Variants in NMNAT3 observed in about 807,000 individuals in gnomAD.
The protein encoded by NMNAT3 is nicotinamide/nicotinic acid mononucleotide adenylyltransferase 3.
A neutral mutation model predicts 24.8 loss-of-function variants in NMNAT3; 21 were observed. The ratio of observed to expected loss-of-function variants is 0.85; its 90% CI spans 0.60 to 1.22. The LOEUF is 1.22. Ranked by LOEUF, NMNAT3 falls within the 50% of genes most tolerant of loss-of-function variation. The pLI, the probability that NMNAT3 is intolerant of heterozygous loss-of-function variation, is 0.00. For synonymous variants in NMNAT3, 136 were observed against 155.2 expected, an observed-to-expected ratio of 0.88 and a Z score of 0.92; for missense variants, 387 against 436.6, an observed-to-expected ratio of 0.89 and a Z score of 1.01.
chr3:139,578,827 C>A (rs763318319), intron 5 of NMNAT3, 45 bp downstream of exon 5: 2 of 1,535,308 alleles, frequency 1.3e-6, no homozygotes, highest in East Asian at 4.5e-5. Context: ...CTGCAGACAT[C>A]TCCCGTGGCC....
At chr3:139,659,325 G>T (rs1457750388) in intron 1 of NMNAT3, among the ~76,000 whole-genome samples, 1 of 152,126 alleles carries the variant, frequency 6.6e-6, no homozygotes, top group Non-Finnish European at 1.5e-5. Context: ...AGTGTATGAA[G>T]AACATAAATA....
chr3:139,582,267 A>T (rs1252719801), intron 4 of NMNAT3, among the ~76,000 whole-genome samples: 1 of 151,320 alleles, frequency 6.6e-6, no homozygotes, highest in Non-Finnish European at 1.5e-5. Context: ...CTAACTTCTT[A>T]GTAAATGTGT....
intron 2 of NMNAT3, 126 bp downstream of exon 2, chr3:139,637,837 A>G (rs958704762): frequency 2.6e-5 from 4 of 152,218 alleles, no homozygotes; most frequent in Non-Finnish European, 4.4e-5. Flanking sequence ...TTGTCTATAT[A>G]TAAATATTTT....
chr3:139,602,023 T>C (rs566517361), intron 3 of NMNAT3, among the ~76,000 whole-genome samples: 4 of 152,218 alleles, frequency 2.6e-5, no homozygotes, highest in Non-Finnish European at 5.9e-5. Flanking sequence ...CATTTCTTGA[T>C]ACATTTTCAA....
intron 6 of NMNAT3, chr3:139,565,309 T>TAA (rs1440157917): frequency 6.6e-6 from 1 of 152,246 alleles, no homozygotes; most frequent in Non-Finnish European, 1.5e-5. Flanking sequence ...CAAAGATTTT[T>TAA]AAAGTCCCTG....
At chr3:139,613,145 A>G (rs1423902399) in intron 3 of NMNAT3, among the ~76,000 whole-genome samples, 1 of 152,222 alleles carries the variant, frequency 6.6e-6, no homozygotes, top group Non-Finnish European at 1.5e-5. Context: ...GGATCTAATT[A>G]AACTAAAGAG....
At chr3:139,575,704 T>C (rs1939195116) in intron 5 of NMNAT3, 1 of 1,042,038 alleles carries the variant, frequency 9.6e-7, no homozygotes, top group Admixed American at 5.3e-5. Context: ...TGCGCCTCTA[T>C]GGGGCATGAC....
chr3:139,627,770 A>G lies in NMNAT3; in HGVS notation c.-40-6T>C, dbSNP rs1249039037. 1 of 1,156,740 alleles carries G rather than the reference A, an allele frequency of 8.6e-7. No homozygotes were observed. The highest frequency in any genetic ancestry group is 1.2e-6 in the Non-Finnish European group (1 of 808,138). 71.7% of individuals were successfully genotyped at this position (1,156,740 alleles called of 1,614,324 possible). A position where few individuals can be genotyped will look rare whatever the true frequency, so the allele number is the denominator to read the frequency against. On this transcript the variant is annotated splice_polypyrimidine_tract_variant and splice_region_variant and intron_variant, in intron 2 of 6. Transcript: ENST00000643695. ...CTGTTGCAGTGGCCACCCTGCTTTT[A>G]TGGGGACAAAAGCTCATGTCAGGGA...
chr3:139,672,733 A>AT (rs1490592552), intron 1 of NMNAT3: 4 of 152,194 alleles, frequency 2.6e-5, no homozygotes, highest in African/African-American at 9.7e-5. Flanking sequence ...TTGGAGATGT[A>AT]TTTTGTCAAC....
chr3:139,609,370 A>C (rs900393057), intron 3 of NMNAT3, among the ~76,000 whole-genome samples: 1 of 152,188 alleles, frequency 6.6e-6, no homozygotes. Flanking sequence ...TAAGAGGTGC[A>C]GTTTCTCGGC....
chr3:139,651,470 G>T (rs867907979), intron 1 of NMNAT3, among the ~76,000 whole-genome samples: 1 of 152,170 alleles, frequency 6.6e-6, no homozygotes, highest in Non-Finnish European at 1.5e-5. Context: ...TCTGAGAGGG[G>T]AAGGCTGCCT....
At chr3:139,593,693 A>G (rs569303084) in intron 3 of NMNAT3, among the ~76,000 whole-genome samples, 1 of 149,832 alleles carries the variant, frequency 6.7e-6, no homozygotes, top group South Asian at 2.2e-4. Context: ...AAACTGAACA[A>G]CCTGCTCCTG....
intron 6 of NMNAT3, chr3:139,572,334 C>T (rs982375569): frequency 5.0e-5 from 20 of 396,510 alleles, no homozygotes; most frequent in Middle Eastern, 6.2e-4. Context: ...ATGCAGGTAA[C>T]GGAGAGGACA....
Position 139,627,602 on chromosome 3 carries a change from G to T in NMNAT3, c.109+14C>A. The T allele has an allele frequency of 1.3e-6, 2 of 1,513,228 alleles. No homozygotes were observed. Among genetic ancestry groups the T allele is most frequent in the Non-Finnish European group, 1.8e-6 (2 of 1,121,242 alleles). The allele number at this position is 1,513,228 out of a possible 1,614,324, so 93.7% of individuals were successfully genotyped here. On this transcript the variant is annotated intron_variant, in intron 3 of 6. Coordinates refer to ENST00000643695, the MANE Select transcript of NMNAT3 (RefSeq NM_001320510.2). ...CACCAGTTCTTCTGTTGGACTCAGG[G>T]CCCCCTGACTGACCTGTTTGGTGTA...
intron 6 of NMNAT3, among the ~76,000 whole-genome samples, chr3:139,562,609 T>C (rs990067386): frequency 6.6e-6 from 1 of 152,110 alleles, no homozygotes; most frequent in Non-Finnish European, 1.5e-5. Context: ...GGTGGAACCT[T>C]TAAAGGAATC....
intron 5 of NMNAT3, chr3:139,575,917 C>T (rs1178212369): frequency 7.8e-7 from 1 of 1,286,696 alleles, no homozygotes; most frequent in Non-Finnish European, 1.0e-6. Flanking sequence ...GGCTTCAGAG[C>T]TCCACAGATG....
chr3:139,573,812 G>A (rs929530172), intron 5 of NMNAT3, 132 bp from the exon 6 acceptor site: 3 of 518,108 alleles, frequency 5.8e-6, no homozygotes, highest in Non-Finnish European at 1.0e-5. Flanking sequence ...TCTGTTGAGG[G>A]CCTACTCTGT....
intron 1 of NMNAT3, among the ~76,000 whole-genome samples, chr3:139,673,851 G>T (rs1400695518): frequency 6.6e-6 from 1 of 152,006 alleles, no homozygotes; most frequent in Non-Finnish European, 1.5e-5. Context: ...GGAACACTTG[G>T]TCCAAAGCTG....
chr3:139,576,393 A>C, intron 5 of NMNAT3: 3 of 496,872 alleles, frequency 6.0e-6, no homozygotes, highest in Non-Finnish European at 7.8e-6. Context: ...AGTGATTCTC[A>C]ATTTTGGTTG....
Sources: gnomAD v4.1 joint callset for allele counts (sites outside exome capture counted in the v4.1 genomes callset) on GRCh38, gnomAD v4.1.1 for gene constraint, MANE v1.5 for transcripts, NCBI Gene and HGNC (gene_info 2026-07-23, HGNC 2026-07-21) for gene names.